The following PCDHA6 variants were observed in gnomAD, a reference collection of about 807,000 sequenced individuals.
PCDHA6 encodes protocadherin alpha 6.
In PCDHA6, 55 loss-of-function variants were observed where a neutral mutation model predicts 60.3. That is an observed-to-expected ratio of 0.91 (90% CI 0.73 to 1.14). The LOEUF (loss-of-function observed/expected upper bound fraction) is 1.14. PCDHA6 is among the 50% of genes most tolerant of loss of function. The probability of loss-of-function intolerance (pLI) is 0.00; values close to 1 mark genes in which losing one functional copy is unlikely to be tolerated. For synonymous variants in PCDHA6, 652 were observed against 557.9 expected, an observed-to-expected ratio of 1.17 and a Z score of -2.38; for missense variants, 1,327 against 1,256.5, an observed-to-expected ratio of 1.06 and a Z score of -0.85.
intron 1 of PCDHA6, chr5:140,858,164 T>C: frequency 6.3e-7 from 1 of 1,597,740 alleles, no homozygotes; most frequent in Non-Finnish European, 8.6e-7. Context: ...CTGCGCGGTG[T>C]CCAGCTTGCT....
At chr5:140,869,062 T>A (rs370962991) in intron 1 of PCDHA6, 2 of 1,558,588 alleles carry the variant, frequency 1.3e-6, no homozygotes, top group African/African-American at 2.7e-5. Context: ...TCTGGTACTG[T>A]AAGTGTAAAG....
chr5:140,988,900 G>A (rs2097319351), intron 3 of PCDHA6: 1 of 152,194 alleles, frequency 6.6e-6, no homozygotes, highest in Admixed American at 6.5e-5. Context: ...ACATTTTAGA[G>A]GGTGTAGTGA....
In PCDHA6 at chr5:140,927,497, T is replaced by G. The variant is rs199998669; in HGVS notation, c.2395-51452T>G. ...GAACAGCGCGCCACCCACCTGCTGGTGCTTACAGCTCGGGACGGCGGGCTA... is the reference window on the plus strand; with the variant it reads ...GAACAGCGCGCCACCCACCTGCTGGGGCTTACAGCTCGGGACGGCGGGCTA... On this transcript the variant is annotated intron_variant, in intron 1 of 3. Coordinates refer to ENST00000529310, the MANE Select transcript of PCDHA6 (RefSeq NM_018909.4). The G allele has an allele frequency of 2.0e-4, 325 of 1,614,094 alleles. No homozygotes were observed. The highest frequency in any genetic ancestry group is 2.6e-4 in the Non-Finnish European group (305 of 1,180,030).
chr5:140,982,917 C>T (rs2097016226), intron 3 of PCDHA6, among the ~76,000 whole-genome samples: 1 of 151,626 alleles, frequency 6.6e-6, no homozygotes, highest in Non-Finnish European at 1.5e-5. Context: ...ACAGAGATGA[C>T]ACTGTTAACA....
intron 1 of PCDHA6, chr5:140,855,887 CAA>C: frequency 1.0e-6 from 1 of 985,616 alleles, no homozygotes; most frequent in Non-Finnish European, 1.5e-6. Flanking sequence ...CTTTTTAGAA[CAA>C]AGGCATCAGC....
In PCDHA6 at chr5:141,011,549, GA is replaced by G. The variant is rs2098421039; in HGVS notation, c.*1615del. Reference sequence around the variant, plus strand: ...CCATTGTTAATCAGCTTTTGTGTATGAAAGACACAGTAAAATTTCTTTCTTA... The same window carrying G: ...CCATTGTTAATCAGCTTTTGTGTATGAAGACACAGTAAAATTTCTTTCTTA... On this transcript the variant is annotated 3_prime_UTR_variant, in exon 4 of 4. Coordinates refer to ENST00000529310, the MANE Select transcript of PCDHA6 (RefSeq NM_018909.4). 1 of 153,674 alleles carries G rather than the reference GA, an allele frequency of 6.5e-6. No individual in the cohort carries two copies. Among genetic ancestry groups the G allele is most frequent in the Non-Finnish European group, 1.5e-5 (1 of 68,008 alleles). The allele number at this position is 153,674 out of a possible 1,614,324, so 9.5% of individuals were successfully genotyped here. A position where few individuals can be genotyped will look rare whatever the true frequency, so the allele number is the denominator to read the frequency against.
In PCDHA6 at chr5:140,922,223, C is replaced by T. The variant is rs115262412; in HGVS notation, c.2395-56726C>T. 8.0e-3 allele frequency among the ~76,000 whole-genome samples: 1,216 copies of T among 152,128 alleles called. 6 individuals are homozygous for T. Among genetic ancestry groups the T allele is most frequent in the African/African-American group, 0.019 (784 of 41,508 alleles). ...ATGAAACTTTGTAAAACATTTGAAC[C>T]TCAACCATGATGTGTATGAAGATAA... On this transcript the variant is annotated intron_variant, in intron 1 of 3. Transcript: ENST00000529310.
intron 1 of PCDHA6, among the ~76,000 whole-genome samples, chr5:140,878,826 C>G (rs1048428036): frequency 1.3e-5 from 2 of 152,182 alleles, no homozygotes; most frequent in Non-Finnish European, 2.9e-5. Flanking sequence ...CTATGTTGCA[C>G]AGGCTGGACT....
intron 1 of PCDHA6, chr5:140,862,334 C>T: frequency 3.0e-6 from 1 of 329,810 alleles, no homozygotes; most frequent in Non-Finnish European, 6.0e-6. Context: ...TGTAATTGAC[C>T]CTAACTTCAG....
At chr5:140,879,876 A>G (rs1326051828) in intron 1 of PCDHA6, among the ~76,000 whole-genome samples, 1 of 152,126 alleles carries the variant, frequency 6.6e-6, no homozygotes, top group Non-Finnish European at 1.5e-5. Flanking sequence ...TCATGGTCAC[A>G]TTGCCTCCTC....
At position 140,876,890 on chromosome 5, in the gene PCDHA6, A is replaced by G. The variant is rs373414098; in HGVS notation, c.2394+46405A>G. On this transcript the variant is annotated intron_variant, in intron 1 of 3. Coordinates refer to ENST00000529310, the MANE Select transcript of PCDHA6 (RefSeq NM_018909.4). ...AAGGAGAACAACCCGCCGGGCTGCC[A>G]CATCTTCACGGTGTCGGCATGGGAC... The G allele has an allele frequency of 4.0e-5, 65 of 1,613,968 alleles. No individual in the cohort carries two copies. In the African/African-American group the frequency reaches 8.1e-4, roughly 20 times the overall value.
chr5:140,993,617 C>A (rs1299213362), intron 3 of PCDHA6, among the ~76,000 whole-genome samples: 3 of 152,034 alleles, frequency 2.0e-5, no homozygotes, highest in Non-Finnish European at 4.4e-5. Context: ...TGTTGGGACC[C>A]TCTATATATA....
rs2150312229 is a variant in PCDHA6 at position 140,841,232 on chromosome 5, T to C, written c.2394+10747T>C. 327 of 1,468,172 alleles carry C rather than the reference T, an allele frequency of 2.2e-4. 4 individuals are homozygous for C. Among genetic ancestry groups the C allele is most frequent in the Non-Finnish European group, 2.9e-4 (317 of 1,091,800 alleles). 90.9% of individuals were successfully genotyped at this position (1,468,172 alleles called of 1,614,324 possible). Reference sequence around the variant, plus strand: ...TCTCTAAAGGCCGAACAACGGGAGATGCAGCGGAATTGGATTAAAAGACTC... The same window carrying C: ...TCTCTAAAGGCCGAACAACGGGAGACGCAGCGGAATTGGATTAAAAGACTC... On this transcript the variant is annotated intron_variant, in intron 1 of 3. Coordinates refer to ENST00000529310, the MANE Select transcript of PCDHA6 (RefSeq NM_018909.4).
At chr5:140,844,452 G>A (rs1403381555) in intron 1 of PCDHA6, among the ~76,000 whole-genome samples, 2 of 148,572 alleles carry the variant, frequency 1.3e-5, no homozygotes, top group South Asian at 2.1e-4. Context: ...TTGTATTGTC[G>A]CCAACTTAAC....
chr5:140,928,128 A>C (rs782708968), intron 1 of PCDHA6: 1 of 1,614,194 alleles, frequency 6.2e-7, no homozygotes, highest in Admixed American at 1.7e-5. Context: ...GTGAATACCA[A>C]GTCCTGATCA....
chr5:140,907,812 C>T (rs888159954), intron 1 of PCDHA6, among the ~76,000 whole-genome samples: 17 of 152,192 alleles, frequency 1.1e-4, no homozygotes, highest in Admixed American at 2.6e-4. Flanking sequence ...GTCCACAGAA[C>T]GAGTCATCCT....
intron 1 of PCDHA6, chr5:140,869,752 G>C (rs1398153775): frequency 1.4e-5 from 22 of 1,613,136 alleles, no homozygotes; most frequent in Middle Eastern, 1.6e-4. Context: ...AGCTACAGAC[G>C]GGGGAAAACC....
intron 3 of PCDHA6, among the ~76,000 whole-genome samples, chr5:140,997,511 G>T (rs565737825): frequency 6.6e-6 from 1 of 151,992 alleles, no homozygotes; most frequent in Non-Finnish European, 1.5e-5. Flanking sequence ...ATACCTAAAC[G>T]CAGAAAAAGT....
chr5:140,879,184 T>C (rs1368886985), intron 1 of PCDHA6, among the ~76,000 whole-genome samples: 1 of 152,136 alleles, frequency 6.6e-6, no homozygotes, highest in Admixed American at 6.5e-5. Flanking sequence ...TATCAAGTAA[T>C]GGAGACTTAA....
Sources: gnomAD v4.1 joint callset for allele counts (sites outside exome capture counted in the v4.1 genomes callset) on GRCh38, gnomAD v4.1.1 for gene constraint, MANE v1.5 for transcripts, NCBI Gene and HGNC (gene_info 2026-07-23, HGNC 2026-07-21) for gene names.